Variants in CNGB3 observed in about 807,000 individuals in gnomAD.
CNGB3 encodes cyclic nucleotide gated channel subunit beta 3, also known as cyclic nucleotide-gated channel beta-3.
CNGB3 carries 86 observed loss-of-function variants against 92.8 expected under a neutral mutation model. The ratio of observed to expected loss-of-function variants is 0.93; its 90% confidence interval spans 0.78 to 1.11. CNGB3 has a LOEUF of 1.11. Ranked by LOEUF, CNGB3 falls within the 50% of genes least tolerant of loss-of-function variation. The pLI is 0.00. For synonymous variants in CNGB3, 333 were observed against 332.7 expected (o/e 1.00, Z -0.01); for missense variants, 1,026 against 956.8 (o/e 1.07, Z -0.95).
chr8:86,615,489 G>A (rs1463204651), intron 13 of CNGB3, among the ~76,000 whole-genome samples: 3 of 152,038 alleles, frequency 2.0e-5, no homozygotes, highest in African/African-American at 7.2e-5. Flanking sequence ...TGTAATCCCA[G>A]CTACTTGGGA....
intron 3 of CNGB3, among the ~76,000 whole-genome samples, chr8:86,682,694 G>A (rs1424799305): frequency 6.6e-6 from 1 of 152,080 alleles, no homozygotes; most frequent in East Asian, 1.9e-4. Flanking sequence ...AAATGCAAAC[G>A]GAGGACATTT....
chr8:86,594,631 G>T, intron 15 of CNGB3: 1 of 207,972 alleles, frequency 4.8e-6, no homozygotes, highest in South Asian at 6.9e-5. Context: ...GTCCCTGACT[G>T]GGACACCTGC....
At chr8:86,621,574 G>A (rs150841754) in intron 13 of CNGB3, among the ~76,000 whole-genome samples, 2,796 of 152,084 alleles carry the variant, frequency 0.018, 35 homozygotes, top group Non-Finnish European at 0.025. Flanking sequence ...ACCTGTCACC[G>A]AAGCAGTGTA....
Position 86,728,073 on chromosome 8 carries a change from T to C in CNGB3, c.212-1416A>G, listed in dbSNP as rs116126446. On this transcript the variant is annotated intron_variant, in intron 2 of 17. Transcript: ENST00000320005. ...CTCGGATTTCCCAAGACGCTTTTATTCATTACGCATCTCCTATCTACTTTT... is the reference window on the plus strand; with the variant it reads ...CTCGGATTTCCCAAGACGCTTTTATCCATTACGCATCTCCTATCTACTTTT... 3.0e-3 allele frequency among the ~76,000 whole-genome samples: 450 copies of C among 152,304 alleles called. 1 individual carries two copies. Among genetic ancestry groups the C allele is most frequent in the African/African-American group, 0.01 (425 of 41,576 alleles).
At chr8:86,593,271 A>G (rs1822087139) in intron 15 of CNGB3, among the ~76,000 whole-genome samples, 1 of 152,182 alleles carries the variant, frequency 6.6e-6, no homozygotes, top group African/African-American at 2.4e-5. Flanking sequence ...AAGAGGAGAA[A>G]AAGGATAATG....
rs1821703323 is a variant in CNGB3 at position 86,578,694 on chromosome 8, C to G, written c.2098G>C (p.Ala700Pro). The G allele has an allele frequency of 2.5e-6, 4 of 1,613,890 alleles. No individual in the cohort carries two copies. Among genetic ancestry groups the G allele is most frequent in the Non-Finnish European group, 2.5e-6 (3 of 1,180,016 alleles). Reference sequence around the variant, plus strand: ...CATTCACTCCACCTTATTACCTGAGCTGCTTGCTCTCGCTTCAATTTGAGT... The same window carrying G: ...CATTCACTCCACCTTATTACCTGAGGTGCTTGCTCTCGCTTCAATTTGAGT... ...RLLKLKREQA[A>P]QKKENSEGGE... The change falls in exon 17 of 18, where the codon GCT becomes CCT. Residue 700 changes from alanine (A) to proline (P), a missense_variant. Ala to Pro is a conservative substitution (Grantham distance 27). Transcript: ENST00000320005.
Position 86,623,214 on chromosome 8 carries a change from G to A in CNGB3, c.1578+2769C>T, listed in dbSNP as rs549763938. ...CCAAATGGATTGCTCCAGCTTGGAC[G>A]TCTCCCCCGAACTCAGATTTATAAA... On this transcript the variant is annotated intron_variant, in intron 13 of 17. Coordinates refer to ENST00000320005, the MANE Select transcript of CNGB3 (RefSeq NM_019098.5). Among the ~76,000 whole-genome samples, 267 of 152,166 alleles carry A rather than the reference G, an allele frequency of 1.8e-3. 2 individuals carry two copies. The South Asian group carries it at 0.027, about 15-fold the overall frequency.
chr8:86,604,437 C>T (rs946813900), intron 14 of CNGB3, among the ~76,000 whole-genome samples: 1 of 152,140 alleles, frequency 6.6e-6, no homozygotes, highest in Admixed American at 6.6e-5. Context: ...CACGTGAGTA[C>T]TGTTTGCCTC....
At chr8:86,590,048 G>A (rs1366725561) in intron 15 of CNGB3, among the ~76,000 whole-genome samples, 1 of 150,346 alleles carries the variant, frequency 6.7e-6, no homozygotes, top group Non-Finnish European at 1.5e-5. Context: ...ATATATTTAG[G>A]ATAGTTAGCT....
chr8:86,743,449 G>C, intron 1 of CNGB3, 50 bp downstream of exon 1: 1 of 1,609,628 alleles, frequency 6.2e-7, no homozygotes, highest in Non-Finnish European at 8.5e-7. Context: ...GCTATTACCA[G>C]ATAAGAAATG....
At chr8:86,667,180 CAG>C in intron 5 of CNGB3, 47 bp from the exon 6 acceptor site, 1 of 1,532,550 alleles carries the variant, frequency 6.5e-7, no homozygotes, top group Non-Finnish European at 9.0e-7. Flanking sequence ...AGAACAAACA[CAG>C]AAAGAATTCT....
chr8:86,664,762 G>T (rs921903190), intron 6 of CNGB3, among the ~76,000 whole-genome samples: 1 of 152,110 alleles, frequency 6.6e-6, no homozygotes, highest in Non-Finnish European at 1.5e-5. Context: ...TAGACCTGTA[G>T]ATGCCATATT....
intron 15 of CNGB3, among the ~76,000 whole-genome samples, chr8:86,596,189 G>A (rs192457830): frequency 7.2e-5 from 11 of 152,200 alleles, no homozygotes; most frequent in Non-Finnish European, 5.9e-5. Context: ...TTAGAGAACT[G>A]CAAATTAAAA....
At chr8:86,658,505 C>T (rs1823564544) in intron 6 of CNGB3, 7 of 389,042 alleles carry the variant, frequency 1.8e-5, no homozygotes, top group South Asian at 1.7e-4. Flanking sequence ...CCTCCTGCTG[C>T]AGCTGGTCTA....
chr8:86,576,407 T>G (rs1821663362), intron 17 of CNGB3, among the ~76,000 whole-genome samples: 1 of 152,238 alleles, frequency 6.6e-6, no homozygotes, highest in Non-Finnish European at 1.5e-5. Flanking sequence ...TTATACTCTC[T>G]GAATTATTAG....
intron 3 of CNGB3, among the ~76,000 whole-genome samples, chr8:86,708,742 A>G (rs1014033104): frequency 4.0e-5 from 6 of 151,270 alleles, no homozygotes; most frequent in African/African-American, 1.5e-4. Context: ...GAATTTATTT[A>G]TTTATTTTTG....
chr8:86,661,276 G>T, intron 6 of CNGB3: 1 of 341,464 alleles, frequency 2.9e-6, no homozygotes, highest in South Asian at 3.0e-5. Context: ...TCGACCTTCT[G>T]CAGTTTAACA....
rs113287124 is a variant in CNGB3, at chr8:86,633,159, T to C, written c.1179-266A>G. 5.4e-3 allele frequency among the ~76,000 whole-genome samples: 821 copies of C among 152,294 alleles called. 5 individuals carry two copies. Among genetic ancestry groups the C allele is most frequent in the African/African-American group, 0.016 (673 of 41,560 alleles). ...ATAACCACCATTTTTATTAGGCTTA[T>C]AGTTTTATGGGTCAGAATTTTGTGC... On this transcript the variant is annotated intron_variant, in intron 10 of 17. Coordinates refer to ENST00000320005, the MANE Select transcript of CNGB3 (RefSeq NM_019098.5).
chr8:86,610,258 C>CT (rs1034451816), intron 14 of CNGB3, among the ~76,000 whole-genome samples: 4 of 152,096 alleles, frequency 2.6e-5, no homozygotes, highest in East Asian at 1.9e-4. Context: ...CAAGAACCAT[C>CT]TTTTTTTTGC....
Sources: allele counts gnomAD v4.1 joint callset (sites outside exome capture counted in the v4.1 genomes callset), GRCh38; gene constraint gnomAD v4.1.1; transcripts MANE v1.5; gene names NCBI Gene and HGNC (gene_info 2026-07-23, HGNC 2026-07-21).